The following HUWE1 variants were observed in gnomAD, a reference collection of about 807,000 sequenced individuals.
HUWE1 encodes the protein HECT, UBA and WWE domain containing E3 ubiquitin protein ligase 1, also known as E3 ubiquitin-protein ligase HUWE1.
Under a neutral mutation model 299.4 loss-of-function variants are expected in HUWE1, and 18 were observed. The ratio of observed to expected loss-of-function variants is 0.06; its 90% confidence interval spans 0.04 to 0.09. HUWE1 has a LOEUF of 0.09. Ranked by LOEUF, HUWE1 falls within the 10% of genes least tolerant of loss-of-function variation. The pLI, the probability that HUWE1 is intolerant of heterozygous loss-of-function variation, is 1.00. For missense variants in HUWE1, 1,832 were observed against 3,462.3 expected (o/e 0.53, Z 11.82); for synonymous variants, 1,317 against 1,286.1 (o/e 1.02, Z -0.51).
chrX:53,576,309 T>C, intron 44 of HUWE1, among the ~76,000 whole-genome samples: 1 of 111,934 alleles, frequency 8.9e-6, no homozygotes, highest in African/African-American at 3.2e-5. Context: ...GACCTTACTA[T>C]AATGGAAACC....
At chrX:53,619,590 GAAAA>G (rs35685121) in intron 19 of HUWE1, among the ~76,000 whole-genome samples, 89 of 41,154 alleles carry the variant, frequency 2.2e-3, no homozygotes, top group African/African-American at 7.1e-3. Flanking sequence ...AGAAATAGAA[GAAAA>G]AAAAAAAAAA....
rs2146915118 is a variant in HUWE1, at chrX:53,537,594, C to T, written c.12099G>A (p.Glu4033=). ...TTTCTTCGGGGGATTTGCGATGCAG[C>T]TCACGATAGGAGTCTTCAAACACAT... The part of the protein sequence containing the change: ...RDHVFEDSYR[E]LHRKSPEEMK... The change falls in exon 78 of 84, where the codon GAG becomes GAA. Residue 4033 remains glutamate, a synonymous_variant. Coordinates refer to ENST00000262854, the MANE Select transcript of HUWE1 (RefSeq NM_031407.7). 2.5e-6 allele frequency: 3 copies of T among 1,210,506 alleles called. No individual in the cohort carries two copies. The East Asian group carries it at 8.9e-5, about 36-fold the overall frequency.
chrX:53,657,904 C>A (rs924975170), intron 3 of HUWE1, among the ~76,000 whole-genome samples: 1 of 108,330 alleles, frequency 9.2e-6, no homozygotes, highest in Admixed American at 9.9e-5. Flanking sequence ...AAAAAATTAG[C>A]CAGGCGTGGT....
At chrX:53,585,675 C>T (rs2063822508) in intron 39 of HUWE1, among the ~76,000 whole-genome samples, 1 of 111,896 alleles carries the variant, frequency 8.9e-6, no homozygotes, top group Admixed American at 9.4e-5. Context: ...TAAACTTGTA[C>T]AGTTTATATT....
Position 53,589,604 on chromosome X carries a change from T to C in HUWE1, c.4404A>G (p.Ala1468=), listed in dbSNP as rs2064046393. The change falls in exon 36 of 84, where the codon GCA becomes GCG. Residue 1468 remains alanine (A), a synonymous_variant. Transcript: ENST00000262854. ...VYRVCDLIMT[A]IKRNGADYRD... Reference sequence around the variant, plus strand: ...GATAATCTGCTCCATTACGTTTGATTGCTGTCATGATCAGGTCACACACAC... The same window carrying C: ...GATAATCTGCTCCATTACGTTTGATCGCTGTCATGATCAGGTCACACACAC... 1 of 1,211,088 alleles carries C rather than the reference T, an allele frequency of 8.3e-7. No individual in the cohort carries two copies. The highest frequency in any genetic ancestry group is 1.1e-6 in the Non-Finnish European group (1 of 894,934).
chrX:53,593,103 T>C (rs782275722), intron 32 of HUWE1, among the ~76,000 whole-genome samples: 1 of 112,350 alleles, frequency 8.9e-6, no homozygotes, highest in Admixed American at 9.4e-5. Flanking sequence ...ATCTTTTCTT[T>C]ATAAATTACC....
In HUWE1 at chrX:53,569,610, T is replaced by A. The variant is rs781947303; in HGVS notation, c.6524+6A>T. On this transcript the variant is annotated splice_donor_region_variant and intron_variant, in intron 48 of 83. Coordinates refer to ENST00000262854, the MANE Select transcript of HUWE1 (RefSeq NM_031407.7). ...CTATTAGCCCTGGGACAGGTATGAA[T>A]CTTACCTGGCATGTTTCTCTGTACT... is the stretch of plus-strand genomic sequence containing the variant. 1.7e-6 allele frequency: 2 copies of A among 1,206,991 alleles called. No homozygotes were observed. Among genetic ancestry groups the A allele is most frequent in the Non-Finnish European group, 2.2e-6 (2 of 891,310 alleles).
intron 63 of HUWE1, 99 bp downstream of exon 63, chrX:53,552,211 TC>T: frequency 1.0e-6 from 1 of 987,301 alleles, no homozygotes; most frequent in Non-Finnish European, 1.4e-6. Context: ...ATACATGCCC[TC>T]CATCTAAATG....
intron 47 of HUWE1, among the ~76,000 whole-genome samples, chrX:53,570,936 A>G (rs1240020667): frequency 8.9e-6 from 1 of 112,951 alleles, no homozygotes; most frequent in Non-Finnish European, 1.9e-5. Context: ...CAAAACAATT[A>G]GAAATAACAA....
chrX:53,624,561 C>A, intron 19 of HUWE1, 34 bp downstream of exon 19: 1 of 985,291 alleles, frequency 1.0e-6, no homozygotes, highest in South Asian at 1.9e-5. Context: ...CAGGTTATCC[C>A]AAATTGTTAT....
At chrX:53,677,320 T>C (rs1265626448) in intron 3 of HUWE1, among the ~76,000 whole-genome samples, 7 of 110,742 alleles carry the variant, frequency 6.3e-5, no homozygotes, top group Non-Finnish European at 1.1e-4. Context: ...TTCAGAACCA[T>C]TGTTCTAAGC....
intron 56 of HUWE1, 102 bp downstream of exon 56, chrX:53,560,086 C>T: frequency 1.4e-6 from 1 of 691,549 alleles, no homozygotes; most frequent in South Asian, 2.4e-5. Flanking sequence ...ATGACAAGAA[C>T]ATTAAGTGAT....
At position 53,632,578 on chromosome X, in the gene HUWE1, AC is replaced by A. The variant is rs782562847; in HGVS notation, c.568-15del. 7.4e-5 allele frequency: 83 copies of A among 1,119,719 alleles called. No individual in the cohort carries two copies. The highest frequency in any genetic ancestry group is 7.2e-4 in the Admixed American group (33 of 45,649). 92.3% of individuals were successfully genotyped at this position (1,119,719 alleles called of 1,213,427 possible). A position where few individuals can be genotyped will look rare whatever the true frequency, so the allele number is the denominator to read the frequency against. On this transcript the variant is annotated splice_polypyrimidine_tract_variant and intron_variant, in intron 8 of 83. Coordinates refer to ENST00000262854, the MANE Select transcript of HUWE1 (RefSeq NM_031407.7). ...GGGTGGATATTTCTGTGTATAAAGCACATCAAAGAATCAGACATTGAGTTTC... is the reference window on the plus strand; with the variant it reads ...GGGTGGATATTTCTGTGTATAAAGCAATCAAAGAATCAGACATTGAGTTTC...
intron 17 of HUWE1, 38 bp from the exon 18 acceptor site, chrX:53,625,296 C>T (rs374263740): frequency 8.1e-5 from 75 of 928,096 alleles, no homozygotes; most frequent in Non-Finnish European, 1.1e-4. Flanking sequence ...ATGCTGAGTT[C>T]GCCATTAAAC....
chrX:53,633,693 C>T (rs2067019297), intron 8 of HUWE1, among the ~76,000 whole-genome samples: 1 of 112,393 alleles, frequency 8.9e-6, no homozygotes, highest in South Asian at 3.7e-4. Flanking sequence ...TATTGAAAAT[C>T]AAATTGTGTT....
chrX:53,631,041 A>G lies in HUWE1; in HGVS notation c.763-7T>C. ...TGTGTGTAAATAACAGCATCTGTAG[A>G]GAGATAAGACATACATTTTAAAAAC... is the stretch of plus-strand genomic sequence containing the variant. On this transcript the variant is annotated splice_polypyrimidine_tract_variant and splice_region_variant and intron_variant, in intron 11 of 83. Transcript: ENST00000262854. 1 of 1,054,761 alleles carries G rather than the reference A, an allele frequency of 9.5e-7. No individual in the cohort carries two copies. Among genetic ancestry groups the G allele is most frequent in the Non-Finnish European group, 1.3e-6 (1 of 752,107 alleles). The allele number at this position is 1,054,761 out of a possible 1,213,427, so 86.9% of individuals were successfully genotyped here.
chrX:53,682,999 T>A (rs1557054061), intron 2 of HUWE1, among the ~76,000 whole-genome samples: 1 of 111,162 alleles, frequency 9.0e-6, no homozygotes, highest in South Asian at 3.8e-4. Flanking sequence ...CGGATCAGAG[T>A]CATACAAACA....
chrX:53,608,394 A>G (rs189177204), intron 24 of HUWE1, among the ~76,000 whole-genome samples: 1,130 of 112,388 alleles, frequency 0.01, 6 homozygotes, highest in Non-Finnish European at 0.016. Context: ...TACAGGTTGT[A>G]TATTTCATAT....
At chrX:53,601,580 T>C (rs1354258651) in intron 28 of HUWE1, among the ~76,000 whole-genome samples, 4 of 111,125 alleles carry the variant, frequency 3.6e-5, no homozygotes, top group Non-Finnish European at 7.5e-5. Flanking sequence ...GAAAAAACAT[T>C]CTGGAAAAGT....
Sources: gnomAD v4.1 joint callset for allele counts (sites outside exome capture counted in the v4.1 genomes callset) on GRCh38, gnomAD v4.1.1 for gene constraint, MANE v1.5 for transcripts, NCBI Gene and HGNC (gene_info 2026-07-23, HGNC 2026-07-21) for gene names.